The following PRKN variants were observed in gnomAD, a reference collection of about 807,000 sequenced individuals.
PRKN encodes the protein parkin RBR E3 ubiquitin protein ligase, also known as E3 ubiquitin-protein ligase parkin.
Under a neutral mutation model 59.5 loss-of-function variants are expected in PRKN, and 56 were observed. The observed-to-expected ratio is 0.94, with a 90% CI of 0.76 to 1.18. PRKN has a LOEUF of 1.18. Among genes scored for constraint, PRKN ranks in the 50% most tolerant of loss-of-function variants. The pLI is 0.00. For missense variants in PRKN, 657 were observed against 596.4 expected (o/e 1.10, Z -1.06); for synonymous variants, 250 against 222.1 (o/e 1.13, Z -1.12).
intron 4 of PRKN, among the ~76,000 whole-genome samples, chr6:162,115,578 A>T (rs1370547022): frequency 2.0e-5 from 3 of 151,642 alleles, no homozygotes; most frequent in African/African-American, 7.3e-5. Flanking sequence ...GTCAAATGAG[A>T]TTTTAAAATA....
intron 1 of PRKN, among the ~76,000 whole-genome samples, chr6:162,688,834 G>A (rs969479022): frequency 6.6e-6 from 1 of 152,116 alleles, no homozygotes; most frequent in South Asian, 2.1e-4. Context: ...AATGATTATG[G>A]AGCAGGCATC....
chr6:162,179,071 G>A (rs926358035), intron 4 of PRKN, among the ~76,000 whole-genome samples: 1 of 151,998 alleles, frequency 6.6e-6, no homozygotes, highest in African/African-American at 2.4e-5. Context: ...TCGTAGAGAC[G>A]GAGTCTCACT....
intron 2 of PRKN, among the ~76,000 whole-genome samples, chr6:162,430,233 C>T (rs1037449428): frequency 6.6e-6 from 1 of 152,054 alleles, no homozygotes; most frequent in East Asian, 1.9e-4. Context: ...GGTGTTACAA[C>T]GTACAAGGCA....
chr6:161,508,155 A>G (rs1012664864), intron 9 of PRKN, among the ~76,000 whole-genome samples: 1 of 152,248 alleles, frequency 6.6e-6, no homozygotes, highest in Admixed American at 6.5e-5. Flanking sequence ...AAATGATTGC[A>G]TGAATAGCTG....
intron 6 of PRKN, among the ~76,000 whole-genome samples, chr6:161,944,698 A>T (rs889669930): frequency 1.1e-4 from 16 of 152,226 alleles, no homozygotes; most frequent in African/African-American, 3.9e-4. Context: ...AGGTGAAAGA[A>T]TCTGTCCAAA....
Position 161,397,596 on chromosome 6 carries a change from T to C in PRKN, c.1084-10719A>G, listed in dbSNP as rs895095017. On this transcript the variant is annotated intron_variant, in intron 9 of 11. Coordinates refer to ENST00000366898, the MANE Select transcript of PRKN (RefSeq NM_004562.3). The surrounding 1 kb of genome is among the most constrained non-coding windows in gnomAD (Gnocchi z 4.2). Reference sequence around the variant, plus strand: ...TATTGCATATTTCCATTTGGATAGGTTGCAGTCACCTCAAATTCAAGTCAC... The same window carrying C: ...TATTGCATATTTCCATTTGGATAGGCTGCAGTCACCTCAAATTCAAGTCAC... Among the ~76,000 whole-genome samples, 2 of 152,190 alleles carry C rather than the reference T, an allele frequency of 1.3e-5. No individual in the cohort carries two copies. The highest frequency in any genetic ancestry group is 2.9e-5 in the Non-Finnish European group (2 of 68,042).
At chr6:162,358,628 CT>C (rs1337607662) in intron 2 of PRKN, among the ~76,000 whole-genome samples, 4 of 152,052 alleles carry the variant, frequency 2.6e-5, no homozygotes, top group Non-Finnish European at 5.9e-5. Flanking sequence ...TAGTAGATAA[CT>C]ATTAAAGATC....
At chr6:161,640,191 A>G (rs1262977463) in intron 7 of PRKN, among the ~76,000 whole-genome samples, 1 of 152,214 alleles carries the variant, frequency 6.6e-6, no homozygotes, top group Non-Finnish European at 1.5e-5. Context: ...TTCATATGAA[A>G]ATACTTTTTC....
intron 6 of PRKN, among the ~76,000 whole-genome samples, chr6:161,896,179 T>C (rs1777619764): frequency 6.6e-6 from 1 of 152,168 alleles, no homozygotes; most frequent in Non-Finnish European, 1.5e-5. Flanking sequence ...ATGGAAGAAT[T>C]GAAGGTGGCC....
At chr6:161,729,283 G>A (rs1787576326) in intron 7 of PRKN, among the ~76,000 whole-genome samples, 1 of 152,038 alleles carries the variant, frequency 6.6e-6, no homozygotes, top group Non-Finnish European at 1.5e-5. Context: ...AGGACACCAA[G>A]CTTTACATAA....
Position 161,462,040 on chromosome 6 carries a change from G to T in PRKN, c.1084-75163C>A, listed in dbSNP as rs564184888. 6.6e-6 allele frequency among the ~76,000 whole-genome samples: 1 copy of T among 152,124 alleles called. No individual in the cohort carries two copies. The highest frequency in any genetic ancestry group is 1.5e-5 in the Non-Finnish European group (1 of 68,022). ...GTGGGGGAAGATGGCTGGAAAGGTG[G>T]GTGAGAAGGGCACCCACAAGCTAGC... On this transcript the variant is annotated intron_variant, in intron 9 of 11. Coordinates refer to ENST00000366898, the MANE Select transcript of PRKN (RefSeq NM_004562.3). This position sits in a 1 kb window ranked among gnomAD's most constrained non-coding sequence, Gnocchi z 4.5.
intron 3 of PRKN, among the ~76,000 whole-genome samples, chr6:162,256,126 T>A (rs1779630338): frequency 6.6e-6 from 1 of 152,086 alleles, no homozygotes; most frequent in African/African-American, 2.4e-5. Flanking sequence ...TTAATTATAG[T>A]CAAATAGATG....
At chr6:161,726,764 G>C (rs1400043497) in intron 7 of PRKN, among the ~76,000 whole-genome samples, 1 of 152,202 alleles carries the variant, frequency 6.6e-6, no homozygotes, top group Non-Finnish European at 1.5e-5. Context: ...TGATAGGTCA[G>C]ATAGAGAGAT....
intron 2 of PRKN, among the ~76,000 whole-genome samples, chr6:162,276,891 C>T (rs1258785344): frequency 1.3e-5 from 2 of 151,964 alleles, no homozygotes; most frequent in African/African-American, 2.4e-5. Flanking sequence ...TCAACCAATA[C>T]CCTATGTTCT....
intron 7 of PRKN, among the ~76,000 whole-genome samples, chr6:161,736,149 T>C (rs1018093394): frequency 6.6e-6 from 1 of 152,152 alleles, no homozygotes; most frequent in Admixed American, 6.5e-5. Flanking sequence ...GCCTGTACAA[T>C]GTGTAAGGGA....
intron 2 of PRKN, among the ~76,000 whole-genome samples, chr6:162,379,898 G>A (rs1043704195): frequency 5.3e-5 from 8 of 152,178 alleles, no homozygotes; most frequent in East Asian, 3.9e-4. Context: ...TGAACATGCC[G>A]GCAGAGAGGT....
chr6:161,926,669 T>C (rs1183088885), intron 6 of PRKN, among the ~76,000 whole-genome samples: 1 of 152,174 alleles, frequency 6.6e-6, no homozygotes, highest in African/African-American at 2.4e-5. Flanking sequence ...TTGAGGAATA[T>C]ATAATCTAGT....
intron 6 of PRKN, among the ~76,000 whole-genome samples, chr6:161,875,288 G>C (rs1010563871): frequency 6.6e-6 from 1 of 150,376 alleles, no homozygotes. Context: ...TCCTCCTCCT[G>C]GGTTCAAGTT....
At chr6:161,961,756 C>T (rs1422202641) in intron 6 of PRKN, among the ~76,000 whole-genome samples, 1 of 152,174 alleles carries the variant, frequency 6.6e-6, no homozygotes, top group Non-Finnish European at 1.5e-5. Flanking sequence ...CACGGATGAA[C>T]TCAGTAAATA....
Sources: allele counts gnomAD v4.1 joint callset (sites outside exome capture counted in the v4.1 genomes callset), GRCh38; gene constraint gnomAD v4.1.1; non-coding constraint Gnocchi (gnomAD v3.1); transcripts MANE v1.5; gene names NCBI Gene and HGNC (gene_info 2026-07-23, HGNC 2026-07-21).